Variants in CADM3 observed in about 807,000 individuals in gnomAD.
CADM3 encodes TSLC1-like 1.
CADM3 carries 11 observed loss-of-function variants against 44.9 expected under a neutral mutation model. The ratio of observed to expected loss-of-function variants is 0.25; its 90% CI spans 0.15 to 0.41. The LOEUF (loss-of-function observed/expected upper bound fraction) is 0.41. Ranked by LOEUF, CADM3 falls within the 10% of genes least tolerant of loss-of-function variation. The pLI, the probability that CADM3 is intolerant of heterozygous loss-of-function variation, is 1.00. For synonymous variants in CADM3, 207 were observed against 205.2 expected (o/e 1.01, Z -0.08); for missense variants, 426 against 512.0 (o/e 0.83, Z 1.62).
At chr1:159,180,456 T>C (rs2253114) in intron 1 of CADM3, among the ~76,000 whole-genome samples, 1 of 151,996 alleles carries the variant, frequency 6.6e-6, no homozygotes. Context: ...AGAACAATAT[T>C]ATTTTCCATT....
Position 159,175,374 on chromosome 1 carries a change from T to C in CADM3, c.88+3521T>C, listed in dbSNP as rs191196965. Reference sequence around the variant, plus strand: ...CATGTAGGTCCTAATGTATGTAACGTCAACTGCCTACCCAGCAGTTATGCC... The same window carrying C: ...CATGTAGGTCCTAATGTATGTAACGCCAACTGCCTACCCAGCAGTTATGCC... On this transcript the variant is annotated intron_variant, in intron 1 of 8. Transcript: ENST00000368125. Among the ~76,000 whole-genome samples the C allele has an allele frequency of 1.9e-3, 293 of 152,366 alleles. 3 individuals carry two copies. Among genetic ancestry groups the C allele is most frequent in the African/African-American group, 6.7e-3 (279 of 41,584 alleles).
chr1:159,174,293 T>C (rs761903760), intron 1 of CADM3, among the ~76,000 whole-genome samples: 6 of 152,206 alleles, frequency 3.9e-5, no homozygotes, highest in Non-Finnish European at 8.8e-5. Flanking sequence ...GGGAGGTAAA[T>C]GCATAGATTT....
intron 8 of CADM3, among the ~76,000 whole-genome samples, chr1:159,200,460 C>T (rs1220227017): frequency 1.3e-5 from 2 of 152,108 alleles, no homozygotes; most frequent in African/African-American, 2.4e-5. Flanking sequence ...CATAGCAGAT[C>T]CCCCGTCACC....
chr1:159,178,561 GAAAACAAATATCA>G (rs1329851000), intron 1 of CADM3: 2 of 152,164 alleles, frequency 1.3e-5, no homozygotes, highest in Non-Finnish European at 1.5e-5. Flanking sequence ...ATGTATAGGA[GAAAACAAATATCA>G]AAATCTTGAC....
chr1:159,188,348 C>T (rs1167601184), intron 1 of CADM3, among the ~76,000 whole-genome samples: 2 of 151,518 alleles, frequency 1.3e-5, no homozygotes, highest in African/African-American at 4.9e-5. Context: ...CCTCTCTTTC[C>T]CTTTGCTTCT....
chr1:159,196,782 C>A, intron 6 of CADM3, 109 bp from the exon 7 acceptor site: 1 of 1,127,670 alleles, frequency 8.9e-7, no homozygotes, highest in Non-Finnish European at 1.3e-6. Context: ...ATAATTTCTC[C>A]AGCCTCATCA....
At chr1:159,191,884 G>T in intron 1 of CADM3, 52 bp from the exon 2 acceptor site, 1 of 1,609,632 alleles carries the variant, frequency 6.2e-7, no homozygotes, top group Admixed American at 1.7e-5. Context: ...GCTCAGAAAT[G>T]GGAGGAGGGG....
chr1:159,181,001 G>A (rs1336449849), intron 1 of CADM3, among the ~76,000 whole-genome samples: 2 of 151,390 alleles, frequency 1.3e-5, no homozygotes, highest in African/African-American at 4.8e-5. Flanking sequence ...CAGAGTATGA[G>A]CAAGTTGTTG....
In CADM3 at chr1:159,191,985, G is replaced by A. The variant is rs768060050; in HGVS notation, c.138G>A (p.Val46=). 16 of 1,613,920 alleles carry A rather than the reference G, an allele frequency of 9.9e-6. No homozygotes were observed. In the East Asian group the frequency reaches 2.9e-4, roughly 29 times the overall value. Residue 46 remains valine (V), a synonymous_variant, in exon 2 of 9, where the codon GTG becomes GTA. Coordinates refer to ENST00000368125, the MANE Select transcript of CADM3 (RefSeq NM_001127173.3). ...SDETVVAGGT[V]VLKCQVKDHE... ...AAACAGTGGTGGCTGGTGGCACCGT[G>A]GTGCTCAAGTGCCAAGTGAAAGATC...
intron 7 of CADM3, among the ~76,000 whole-genome samples, chr1:159,198,790 G>A (rs553236350): frequency 1.5e-3 from 232 of 152,196 alleles, no homozygotes; most frequent in African/African-American, 5.1e-3. Flanking sequence ...TGCCACACCC[G>A]GCCCAGTCTG....
chr1:159,200,576 TATAG>T (rs1650141162), intron 8 of CADM3, among the ~76,000 whole-genome samples: 1 of 152,060 alleles, frequency 6.6e-6, no homozygotes, highest in Non-Finnish European at 1.5e-5. Flanking sequence ...TGCTTTGTAT[TATAG>T]ATGAGATTCT....
chr1:159,177,277 G>C (rs908013170), intron 1 of CADM3, among the ~76,000 whole-genome samples: 1 of 152,116 alleles, frequency 6.6e-6, no homozygotes, highest in Non-Finnish European at 1.5e-5. Context: ...CAACCAGACA[G>C]GTTCAAATAA....
At chr1:159,176,637 T>C (rs1342799912) in intron 1 of CADM3, among the ~76,000 whole-genome samples, 1 of 152,148 alleles carries the variant, frequency 6.6e-6, no homozygotes, top group Non-Finnish European at 1.5e-5. Flanking sequence ...AGGGCTCCAA[T>C]AACTACCCAA....
chr1:159,200,895 G>A lies in CADM3; in HGVS notation c.1170G>A (p.Gly390=), dbSNP rs748105120. ...IINAEGGQSG[G]DDKKEYFI Reference sequence around the variant, plus strand: ...ATGCAGAAGGCGGGCAGTCAGGAGGGGACGACAAGAAGGAATATTTCATCT... The same window carrying A: ...ATGCAGAAGGCGGGCAGTCAGGAGGAGACGACAAGAAGGAATATTTCATCT... The change falls in exon 9 of 9, where the codon GGG becomes GGA. Residue 390 remains glycine, a synonymous_variant. Transcript: ENST00000368125. 1.9e-6 allele frequency: 3 copies of A among 1,607,578 alleles called. No homozygotes were observed. The highest frequency in any genetic ancestry group is 2.3e-5 in the East Asian group (1 of 44,308).
chr1:159,197,328 C>A, intron 7 of CADM3: 1 of 369,030 alleles, frequency 2.7e-6, no homozygotes, highest in Non-Finnish European at 5.0e-6. Context: ...CTTCCATCCC[C>A]TGCACTTGTC....
Position 159,201,611 on chromosome 1 carries a change from G to A in CADM3, c.*689G>A, listed in dbSNP as rs568011405. On this transcript the variant is annotated 3_prime_UTR_variant, in exon 9 of 9. Transcript: ENST00000368125. ...GGACCCAGGACTGTAACCTGGGGAG[G>A]ACGCGGGTCCCTGCAAGGAAGAGTA... 11 of 152,458 alleles carry A rather than the reference G, an allele frequency of 7.2e-5. No homozygotes were observed. Among genetic ancestry groups the A allele is most frequent in the African/African-American group, 2.6e-4 (11 of 41,576 alleles). The allele number at this position is 152,458 out of a possible 1,614,324, so 9.4% of individuals were successfully genotyped here. A position where few individuals can be genotyped will look rare whatever the true frequency, so the allele number is the denominator to read the frequency against.
At chr1:159,178,801 G>C (rs920293765) in intron 1 of CADM3, among the ~76,000 whole-genome samples, 1 of 152,144 alleles carries the variant, frequency 6.6e-6, no homozygotes, top group South Asian at 2.1e-4. Flanking sequence ...TAGCCAGCCT[G>C]TTCTTCACAT....
rs143841169 is a variant in CADM3 at position 159,188,594 on chromosome 1, G to A, written c.89-3342G>A. Among the ~76,000 whole-genome samples, 466 of 152,252 alleles carry A rather than the reference G, an allele frequency of 3.1e-3. 2 individuals carry two copies. The highest frequency in any genetic ancestry group is 5.6e-3 in the Non-Finnish European group (378 of 68,024). ...AAGCCCGGACACGTAGCAGCTCTGG[G>A]CTCTGCTCAGCAGCGGATGAGCTCA... is the stretch of plus-strand genomic sequence containing the variant. On this transcript the variant is annotated intron_variant, in intron 1 of 8. Transcript: ENST00000368125.
At position 159,199,714 on chromosome 1, in the gene CADM3, C is replaced by T. The variant is rs773550258; in HGVS notation, c.953-37C>T. On this transcript the variant is annotated intron_variant, in intron 7 of 8. Transcript: ENST00000368125. ...TGGAATGCTATAAGATAAGGGCTCT[C>T]CCCAGATCTGACTGTGTGTGTTGCC... The T allele has an allele frequency of 1.8e-5, 29 of 1,614,050 alleles. No individual in the cohort carries two copies. The East Asian group carries it at 6.2e-4, about 35-fold the overall frequency.
Sources: allele counts gnomAD v4.1 joint callset (sites outside exome capture counted in the v4.1 genomes callset), GRCh38; gene constraint gnomAD v4.1.1; transcripts MANE v1.5; gene names NCBI Gene and HGNC (gene_info 2026-07-23, HGNC 2026-07-21).